Variants in FAM171A1 observed in about 807,000 individuals in gnomAD.
FAM171A1 encodes protein FAM171A1.
In FAM171A1, 23 loss-of-function variants were observed where a neutral mutation model predicts 74.9. The observed-to-expected ratio is 0.31, with a 90% confidence interval of 0.22 to 0.44. The LOEUF (loss-of-function observed/expected upper bound fraction) is 0.44, where lower values mean the gene tolerates loss of function less well. FAM171A1 is among the 20% of genes least tolerant of loss of function. The pLI, the probability that FAM171A1 is intolerant of heterozygous loss-of-function variation, is 1.00. For synonymous variants in FAM171A1, 527 were observed against 505.7 expected (o/e 1.04, Z -0.57); for missense variants, 1,162 against 1,159.2 (o/e 1.00, Z -0.03).
chr10:15,299,147 G>A (rs1040247025), intron 1 of FAM171A1, among the ~76,000 whole-genome samples: 6 of 152,136 alleles, frequency 3.9e-5, no homozygotes, highest in East Asian at 3.9e-4. Context: ...TCAAACTCCC[G>A]ACCTCAGGTG....
intron 1 of FAM171A1, among the ~76,000 whole-genome samples, chr10:15,326,338 G>A (rs537110860): frequency 3.3e-5 from 5 of 151,910 alleles, no homozygotes; most frequent in African/African-American, 7.2e-5. Flanking sequence ...GTTTTGAGAC[G>A]GCATCTCGCT....
At chr10:15,223,860 C>T (rs914444522) in intron 5 of FAM171A1, among the ~76,000 whole-genome samples, 2 of 152,190 alleles carry the variant, frequency 1.3e-5, no homozygotes, top group African/African-American at 4.8e-5. Flanking sequence ...GATTGAGCCA[C>T]TGCACTCCAG....
intron 1 of FAM171A1, among the ~76,000 whole-genome samples, chr10:15,288,813 C>CTTTTTTTTTTTT (rs71505064): frequency 6.8e-5 from 5 of 73,698 alleles, no homozygotes; most frequent in Non-Finnish European, 1.0e-4. Context: ...TTCGGTAATT[C>CTTTTTTTTTTTT]TTTTTTTTTT....
chr10:15,312,702 T>TTTTTTTTGTG, intron 1 of FAM171A1, among the ~76,000 whole-genome samples: 1 of 92,126 alleles, frequency 1.1e-5, no homozygotes, highest in African/African-American at 4.4e-5. Context: ...TTTTTTTTTT[T>TTTTTTTTGTG]TTTTTTTTTT....
chr10:15,330,155 T>G (rs1467385545), intron 1 of FAM171A1, among the ~76,000 whole-genome samples: 1 of 152,016 alleles, frequency 6.6e-6, no homozygotes, highest in East Asian at 1.9e-4. Context: ...CAGCCTGGCC[T>G]ACATAGTGAA....
chr10:15,294,676 C>T (rs527581736), intron 1 of FAM171A1, among the ~76,000 whole-genome samples: 226 of 152,280 alleles, frequency 1.5e-3, no homozygotes, highest in African/African-American at 5.1e-3. Context: ...TTCAGTCCAG[C>T]ATTATCTTTT....
chr10:15,344,802 A>T (rs1835801120), intron 1 of FAM171A1, among the ~76,000 whole-genome samples: 2 of 152,244 alleles, frequency 1.3e-5, no homozygotes, highest in Non-Finnish European at 2.9e-5. Context: ...GGATGACAGT[A>T]TTACTGGATA....
At position 15,240,776 on chromosome 10, in the gene FAM171A1, G is replaced by A. The variant is rs1834354259; in HGVS notation, c.754+7863C>T. 1.3e-5 allele frequency: 13 copies of A among 981,540 alleles called. No individual in the cohort carries two copies. The South Asian group carries it at 5.7e-4, about 43-fold the overall frequency. The allele number at this position is 981,540 out of a possible 1,614,324, so 60.8% of individuals were successfully genotyped here. On this transcript the variant is annotated intron_variant, in intron 5 of 7. Transcript: ENST00000378116. ...TTTTGAGGCAGGGTGGTGGCTCACA[G>A]TCGTTGTAATCCCAGTGACTTGGGA... is the stretch of plus-strand genomic sequence containing the variant.
At chr10:15,277,808 G>A (rs887064795) in intron 2 of FAM171A1, among the ~76,000 whole-genome samples, 9 of 152,010 alleles carry the variant, frequency 5.9e-5, no homozygotes, top group Non-Finnish European at 8.8e-5. Flanking sequence ...CCAGGCTGGA[G>A]TGCAGTGGTG....
At chr10:15,251,402 ATTT>A (rs1258921347) in intron 4 of FAM171A1, among the ~76,000 whole-genome samples, 4 of 132,466 alleles carry the variant, frequency 3.0e-5, no homozygotes, top group Admixed American at 7.6e-5. Flanking sequence ...TTCTGCAACG[ATTT>A]TTTTTTTTTT....
chr10:15,227,588 C>T (rs1834125133), intron 5 of FAM171A1, among the ~76,000 whole-genome samples: 1 of 152,062 alleles, frequency 6.6e-6, no homozygotes, highest in Non-Finnish European at 1.5e-5. Context: ...AATATATTGC[C>T]CAGGATGGTC....
intron 1 of FAM171A1, among the ~76,000 whole-genome samples, chr10:15,354,597 C>T (rs1835913266): frequency 6.6e-6 from 1 of 152,186 alleles, no homozygotes; most frequent in South Asian, 2.1e-4. Context: ...CGGGGAAGCA[C>T]CGAGTCCGAT....
chr10:15,246,205 T>G (rs576070437), intron 5 of FAM171A1, among the ~76,000 whole-genome samples: 2 of 152,042 alleles, frequency 1.3e-5, no homozygotes, highest in Non-Finnish European at 2.9e-5. Flanking sequence ...GTGCCCGTCT[T>G]GCTTACTGCA....
At chr10:15,293,507 G>A (rs1229506435) in intron 1 of FAM171A1, among the ~76,000 whole-genome samples, 1 of 150,802 alleles carries the variant, frequency 6.6e-6, no homozygotes, top group East Asian at 2.0e-4. Context: ...ACCAACAAAT[G>A]TGCCAGAAAG....
At position 15,280,909 on chromosome 10, in the gene FAM171A1, G is replaced by C. The variant is rs1011493249; in HGVS notation, c.325+2969C>G. On this transcript the variant is annotated intron_variant, in intron 2 of 7. Coordinates refer to ENST00000378116, the MANE Select transcript of FAM171A1 (RefSeq NM_001010924.2). ...TGGAGATGTTTCCTGTTAAGTTCTA[G>C]TTAAGAGCATAACATGGTTTGGATC... 2.4e-4 allele frequency among the ~76,000 whole-genome samples: 37 copies of C among 152,178 alleles called. 2 individuals carry two copies. Among genetic ancestry groups the C allele is most frequent in the Non-Finnish European group, 2.9e-5 (2 of 68,042 alleles).
In FAM171A1 at chr10:15,275,950, G is replaced by A; in HGVS notation, c.326-3C>T. 6.2e-7 allele frequency: 1 copy of A among 1,601,340 alleles called. No homozygotes were observed. Among genetic ancestry groups the A allele is most frequent in the Non-Finnish European group, 8.5e-7 (1 of 1,171,858 alleles). On this transcript the variant is annotated splice_polypyrimidine_tract_variant and splice_region_variant and intron_variant, in intron 2 of 7. Coordinates refer to ENST00000378116, the MANE Select transcript of FAM171A1 (RefSeq NM_001010924.2). Reference sequence around the variant, plus strand: ...GCCAAGGCTCAGAGAGGAAAATACTGCAGGAAAAAGAAATGGATAGAAGGG... The same window carrying A: ...GCCAAGGCTCAGAGAGGAAAATACTACAGGAAAAAGAAATGGATAGAAGGG...
At chr10:15,243,194 A>G (rs893339695) in intron 5 of FAM171A1, among the ~76,000 whole-genome samples, 2 of 152,044 alleles carry the variant, frequency 1.3e-5, no homozygotes, top group African/African-American at 4.8e-5. Flanking sequence ...TCGCATTTCC[A>G]AAGTGCATGG....
intron 3 of FAM171A1, among the ~76,000 whole-genome samples, chr10:15,272,267 A>C (rs1834836153): frequency 6.6e-6 from 1 of 152,224 alleles, no homozygotes; most frequent in Non-Finnish European, 1.5e-5. Context: ...AACAGACTTT[A>C]AACCAACAAA....
chr10:15,276,838 CT>C (rs1662036163), intron 2 of FAM171A1, among the ~76,000 whole-genome samples: 1 of 152,164 alleles, frequency 6.6e-6, no homozygotes, highest in Non-Finnish European at 1.5e-5. Context: ...GTGTGCACCA[CT>C]GCACCCAGCT....
Sources: allele counts gnomAD v4.1 joint callset (sites outside exome capture counted in the v4.1 genomes callset), GRCh38; gene constraint gnomAD v4.1.1; transcripts MANE v1.5; gene names NCBI Gene and HGNC (gene_info 2026-07-23, HGNC 2026-07-21).